The following HDAC3 variants were observed in gnomAD, a reference collection of about 807,000 sequenced individuals.
HDAC3 encodes the protein SMAP45.
Under a neutral mutation model 62.3 loss-of-function variants are expected in HDAC3, and 21 were observed. The observed-to-expected ratio is 0.34, with a 90% CI of 0.24 to 0.49. The LOEUF is 0.49. Among genes scored for constraint, HDAC3 ranks in the 20% least tolerant of loss-of-function variants. HDAC3 has a pLI of 0.99. For synonymous variants in HDAC3, 198 were observed against 206.5 expected (o/e 0.96, Z 0.35); for missense variants, 270 against 556.9 (o/e 0.48, Z 5.19).
chr5:141,624,450 G>A (rs1314187956), intron 14 of HDAC3, among the ~76,000 whole-genome samples: 1 of 136,940 alleles, frequency 7.3e-6, no homozygotes, highest in Admixed American at 7.8e-5. Context: ...CCAGCTACTC[G>A]AGGGGCTGAG....
At position 141,628,515 on chromosome 5, in the gene HDAC3, A is replaced by C. The variant is rs2099904768; in HGVS notation, c.691+44T>G. On this transcript the variant is annotated intron_variant, in intron 8 of 14. Transcript: ENST00000305264. This position sits in a 1 kb window ranked among gnomAD's most constrained non-coding sequence, Gnocchi z 4.7. The stretch of plus-strand genomic sequence containing the variant: ...GGCAGAAGAGGTTATTTCAAGGAGA[A>C]AAAGAAGGGGCCTAGGGAACAGAGG... 6.6e-7 allele frequency: 1 copy of C among 1,504,792 alleles called. No homozygotes were observed. The highest frequency in any genetic ancestry group is 1.7e-5 in the Admixed American group (1 of 59,536). The allele number at this position is 1,504,792 out of a possible 1,614,324, so 93.2% of individuals were successfully genotyped here.
intron 2 of HDAC3, 70 bp downstream of exon 2, chr5:141,636,473 TCAGTC>T (rs1412676764): frequency 7.3e-7 from 1 of 1,360,842 alleles, no homozygotes; most frequent in East Asian, 2.3e-5. Flanking sequence ...CTTCATGCAC[TCAGTC>T]CAGCCCACCT....
chr5:141,623,126 A>G (rs1318232710), intron 14 of HDAC3, among the ~76,000 whole-genome samples: 1 of 152,176 alleles, frequency 6.6e-6, no homozygotes, highest in East Asian at 1.9e-4. Flanking sequence ...TCCGTCTCAA[A>G]AAAAAGAAAG....
At position 141,629,335 on chromosome 5, in the gene HDAC3, G is replaced by C. The variant is rs368479211; in HGVS notation, c.477-29C>G. The C allele has an allele frequency of 1.7e-5, 28 of 1,613,890 alleles. No homozygotes were observed. Among genetic ancestry groups the C allele is most frequent in the Non-Finnish European group, 2.2e-5 (26 of 1,179,962 alleles). ...GAGGGAAGCCAAAGCCAGGGTCTGA[G>C]CTAGAAGTGAACCCCCCAACCCACT... On this transcript the variant is annotated intron_variant, in intron 6 of 14. Coordinates refer to ENST00000305264, the MANE Select transcript of HDAC3 (RefSeq NM_003883.4). The surrounding 1 kb of genome is among the most constrained non-coding windows in gnomAD (Gnocchi z 5.3).
In HDAC3 at chr5:141,626,839, T is replaced by A. The variant is rs536054191; in HGVS notation, c.831-556A>T. Among the ~76,000 whole-genome samples the A allele has an allele frequency of 1.3e-5, 2 of 151,236 alleles. No homozygotes were observed. The highest frequency in any genetic ancestry group is 4.2e-4 in the South Asian group (2 of 4,752). ...ACACACCTCTCAGATCATCTACTTC[T>A]CTCCATTGCCACCCCCTCCACCTTA... On this transcript the variant is annotated intron_variant, in intron 10 of 14. Transcript: ENST00000305264. The surrounding 1 kb of genome is among the most constrained non-coding windows in gnomAD (Gnocchi z 4.6).
rs768571678 is a variant in HDAC3 at position 141,625,514 on chromosome 5, A to G, written c.1060-149T>C. 114 of 1,087,260 alleles carry G rather than the reference A, an allele frequency of 1.0e-4. No individual in the cohort carries two copies. The highest frequency in any genetic ancestry group is 1.0e-4 in the Non-Finnish European group (74 of 725,300). The allele number at this position is 1,087,260 out of a possible 1,614,324, so 67.4% of individuals were successfully genotyped here. A position where few individuals can be genotyped will look rare whatever the true frequency, so the allele number is the denominator to read the frequency against. The stretch of plus-strand genomic sequence containing the variant: ...CCCCAACTGATAGCTCTCCCTCCCC[A>G]CCAACCCCAACTGCCTCTACTTTAA... On this transcript the variant is annotated intron_variant, in intron 13 of 14. Transcript: ENST00000305264. This position sits in a 1 kb window ranked among gnomAD's most constrained non-coding sequence, Gnocchi z 4.0.
At chr5:141,627,424 C>CT (rs1288847754) in intron 10 of HDAC3, among the ~76,000 whole-genome samples, 1 of 152,152 alleles carries the variant, frequency 6.6e-6, no homozygotes, top group Non-Finnish European at 1.5e-5. Flanking sequence ...TCAGGCTTCT[C>CT]TCTGCTCCTC....
Position 141,636,808 on chromosome 5 carries a change from GC to G in HDAC3, c.-19del. 6.5e-7 allele frequency: 1 copy of G among 1,536,018 alleles called. No homozygotes were observed. On this transcript the variant is annotated 5_prime_UTR_variant, in exon 1 of 15. Coordinates refer to ENST00000305264, the MANE Select transcript of HDAC3 (RefSeq NM_003883.4). ...TTGGCCATGGTGCCGGCGGGAGCAG[GC>G]CCCGCACCTCCGCCGCCCGCCGCCC...
intron 14 of HDAC3, 149 bp from the exon 15 acceptor site, chr5:141,621,686 CAAAT>C (rs1211760894): frequency 6.3e-6 from 4 of 636,886 alleles, no homozygotes; most frequent in East Asian, 5.5e-5. Flanking sequence ...ATTCACGTAT[CAAAT>C]AAACATTAAG....
In HDAC3 at chr5:141,627,823, A is replaced by AC. The variant is rs2099904658; in HGVS notation, c.830+69dup. On this transcript the variant is annotated intron_variant, in intron 10 of 14. Coordinates refer to ENST00000305264, the MANE Select transcript of HDAC3 (RefSeq NM_003883.4). ...AAGAGGTGAGGCCCATTCCCCAACT[A>AC]CCCCCACCCACGTACTGAAGTCCAA... 3 of 1,342,832 alleles carry AC rather than the reference A, an allele frequency of 2.2e-6. No individual in the cohort carries two copies. In the South Asian group the frequency reaches 3.5e-5, roughly 16 times the overall value. The allele number at this position is 1,342,832 out of a possible 1,614,324, so 83.2% of individuals were successfully genotyped here. A position where few individuals can be genotyped will look rare whatever the true frequency, so the allele number is the denominator to read the frequency against.
At chr5:141,632,201 T>C (rs2099905327) in intron 3 of HDAC3, among the ~76,000 whole-genome samples, 1 of 152,294 alleles carries the variant, frequency 6.6e-6, no homozygotes, top group South Asian at 2.1e-4. Flanking sequence ...ATTTTTGTAT[T>C]TTTAGTAGAG....
intron 10 of HDAC3, among the ~76,000 whole-genome samples, chr5:141,627,629 G>A (rs917002467): frequency 6.6e-6 from 1 of 152,054 alleles, no homozygotes; most frequent in South Asian, 2.1e-4. Flanking sequence ...TTCCTAAACT[G>A]TAAACTCCAT....
In HDAC3 at chr5:141,628,934, CAGTAAACA is replaced by C. The variant is rs754286005; in HGVS notation, c.610+231_610+238del. ...GGAATAGCCATGAGGAGGAGGGAGGCAGTAAACAAAACAAAACAAAAAACCACAATAAA... is the reference window on the plus strand; with the variant it reads ...GGAATAGCCATGAGGAGGAGGGAGGCAAACAAAACAAAAAACCACAATAAA... On this transcript the variant is annotated intron_variant, in intron 7 of 14. Coordinates refer to ENST00000305264, the MANE Select transcript of HDAC3 (RefSeq NM_003883.4). The surrounding 1 kb of genome is among the most constrained non-coding windows in gnomAD (Gnocchi z 4.7). 2.0e-5 allele frequency among the ~76,000 whole-genome samples: 3 copies of C among 152,012 alleles called. No individual in the cohort carries two copies. The highest frequency in any genetic ancestry group is 4.4e-5 in the Non-Finnish European group (3 of 68,000).
intron 2 of HDAC3, chr5:141,635,164 C>T: frequency 2.0e-6 from 1 of 501,120 alleles, no homozygotes; most frequent in Non-Finnish European, 3.5e-6. Flanking sequence ...TCCTTTCCAC[C>T]TCCAGCTCAG....
intron 3 of HDAC3, among the ~76,000 whole-genome samples, chr5:141,630,914 T>A (rs2099905112): frequency 6.6e-6 from 1 of 150,892 alleles, no homozygotes; most frequent in South Asian, 2.1e-4. Flanking sequence ...CTCAAACTCC[T>A]GGGCCTAAGT....
At position 141,628,414 on chromosome 5, in the gene HDAC3, C is replaced by T; in HGVS notation, c.691+145G>A. On this transcript the variant is annotated intron_variant, in intron 8 of 14. Transcript: ENST00000305264. The surrounding 1 kb of genome is among the most constrained non-coding windows in gnomAD (Gnocchi z 4.7). ...GCACATACACATGATATGTTGCATA[C>T]AATTTCCAGAGATTCATGGTCCCTC... The T allele has an allele frequency of 1.3e-6, 1 of 766,202 alleles. No homozygotes were observed. Among genetic ancestry groups the T allele is most frequent in the Non-Finnish European group, 2.2e-6 (1 of 445,968 alleles). 47.5% of individuals were successfully genotyped at this position (766,202 alleles called of 1,614,324 possible). A position where few individuals can be genotyped will look rare whatever the true frequency, so the allele number is the denominator to read the frequency against.
chr5:141,621,434 G>T lies in HDAC3; in HGVS notation c.*34C>A. On this transcript the variant is annotated 3_prime_UTR_variant, in exon 15 of 15. Transcript: ENST00000305264. ...CTCCAGCCCAACCAAGAGGTGAAAA[G>T]AAATTCCTTGGGACACAGCATCCCA... The T allele has an allele frequency of 6.2e-7, 1 of 1,600,960 alleles. No individual in the cohort carries two copies.
chr5:141,625,837 T>TACATAATAGCTG lies in HDAC3; in HGVS notation c.980-74_980-73insCAGCTATTATGT. The TACATAATAGCTG allele has an allele frequency of 6.1e-6, 9 of 1,463,802 alleles. No individual in the cohort carries two copies. The Admixed American group carries it at 1.5e-4, about 25-fold the overall frequency. The allele number at this position is 1,463,802 out of a possible 1,614,324, so 90.7% of individuals were successfully genotyped here. A position where few individuals can be genotyped will look rare whatever the true frequency, so the allele number is the denominator to read the frequency against. On this transcript the variant is annotated intron_variant, in intron 12 of 14. Coordinates refer to ENST00000305264, the MANE Select transcript of HDAC3 (RefSeq NM_003883.4). This position sits in a 1 kb window ranked among gnomAD's most constrained non-coding sequence, Gnocchi z 4.0. ...AACAAGACTTCCCAATCTTTTTCCT[T>TACATAATAGCTG]CCCATCCAGAGCACCTACATAATAG... is the stretch of plus-strand genomic sequence containing the variant.
chr5:141,629,175 G>A lies in HDAC3; in HGVS notation c.608C>T (p.Thr203Ile). ...GAAAGTAATCCCTATTCCCATACCTGTGCCAGGGAAGAAGTAATTTCCGTA... is the reference window on the plus strand; with the variant it reads ...GAAAGTAATCCCTATTCCCATACCTATGCCAGGGAAGAAGTAATTTCCGTA... ...HKYGNYFFPG[T>I]GDMYEVGAES... The change falls in exon 7 of 15, where the codon ACA (threonine) becomes ATA (isoleucine). Residue 203 changes from threonine (T) to isoleucine (I), a missense_variant and splice_region_variant. Physicochemically the swap from Thr to Ile is moderately conservative, Grantham distance 89 (BLOSUM62 -1). This residue lies in a region of HDAC3 where 156 missense variants were observed against 383.9 expected (regional missense o/e 0.41). Transcript: ENST00000305264. The surrounding 1 kb of genome is among the most constrained non-coding windows in gnomAD (Gnocchi z 5.3). 6.2e-7 allele frequency: 1 copy of A among 1,614,164 alleles called. No homozygotes were observed. Among genetic ancestry groups the A allele is most frequent in the Non-Finnish European group, 8.5e-7 (1 of 1,180,014 alleles).
Sources: gnomAD v4.1 joint callset for allele counts (sites outside exome capture counted in the v4.1 genomes callset) on GRCh38, gnomAD v4.1.1 for gene constraint, gnomAD v4.1.1 regional missense constraint, Gnocchi (gnomAD v3.1) non-coding constraint, MANE v1.5 for transcripts, NCBI Gene and HGNC (gene_info 2026-07-23, HGNC 2026-07-21) for gene names.